Variants in LMBR1 observed in about 807,000 individuals in gnomAD.
LMBR1 encodes limb region 1 protein homolog.
LMBR1 carries 52 observed loss-of-function variants against 73.9 expected under a neutral mutation model. That is an observed-to-expected ratio of 0.70 (90% CI 0.56 to 0.89). The LOEUF (loss-of-function observed/expected upper bound fraction) is 0.89, where lower values mean the gene tolerates loss of function less well. Among genes scored for constraint, LMBR1 ranks in the 40% least tolerant of loss-of-function variants. LMBR1 has a pLI of 0.00. For synonymous variants in LMBR1, 215 were observed against 209.4 expected (o/e 1.03, Z -0.23); for missense variants, 539 against 579.8 (o/e 0.93, Z 0.72).
intron 15 of LMBR1, among the ~76,000 whole-genome samples, chr7:156,704,091 A>G (rs1810389379): frequency 6.6e-6 from 1 of 152,180 alleles, no homozygotes; most frequent in South Asian, 2.1e-4. Flanking sequence ...TTACCCATTC[A>G]GCATACACAA....
Position 156,864,954 on chromosome 7 carries a change from C to T in LMBR1, c.66+27974G>A, listed in dbSNP as rs1264740190. Among the ~76,000 whole-genome samples, 3 of 150,242 alleles carry T rather than the reference C, an allele frequency of 2.0e-5. No homozygotes were observed. The Admixed American group carries it at 2.0e-4, about 10-fold the overall frequency. ...GAGGTTGCAGTGAGCCGAGGTCGCG[C>T]CATTGCACTTCAGCCTGGGTGACAG... On this transcript the variant is annotated intron_variant, in intron 1 of 16. Transcript: ENST00000353442.
chr7:156,751,943 T>A (rs1820978139), intron 9 of LMBR1, among the ~76,000 whole-genome samples: 1 of 152,198 alleles, frequency 6.6e-6, no homozygotes, highest in South Asian at 2.1e-4. Flanking sequence ...TTATAGGTGG[T>A]ATTTAAAGCC....
chr7:156,837,333 C>A lies in LMBR1; in HGVS notation c.67-448G>T, dbSNP rs1837831579. On this transcript the variant is annotated intron_variant, in intron 1 of 16. Transcript: ENST00000353442. ...CTGGGCAACAAGAGTGAGACTCCAT[C>A]TCAAAAAAAAAAAAAAAAGTGTTAA... Among the ~76,000 whole-genome samples, 5 of 104,934 alleles carry A rather than the reference C, an allele frequency of 4.8e-5. No homozygotes were observed. The South Asian group carries it at 1.2e-3, about 26-fold the overall frequency. The allele number at this position is 104,934 out of a possible 152,430, so 68.8% of individuals were successfully genotyped here.
chr7:156,850,871 A>G (rs533756708), intron 1 of LMBR1, among the ~76,000 whole-genome samples: 1 of 151,456 alleles, frequency 6.6e-6, no homozygotes, highest in South Asian at 2.1e-4. Flanking sequence ...ACCCTGGTGG[A>G]AGTGTTTGGA....
At chr7:156,715,781 T>C (rs1813078602) in intron 15 of LMBR1, among the ~76,000 whole-genome samples, 2 of 152,224 alleles carry the variant, frequency 1.3e-5, no homozygotes, top group Non-Finnish European at 2.9e-5. Context: ...TACCTGAATA[T>C]TCCATTATTG....
chr7:156,813,487 G>C (rs1040170917), intron 4 of LMBR1, among the ~76,000 whole-genome samples: 1 of 152,082 alleles, frequency 6.6e-6, no homozygotes, highest in South Asian at 2.1e-4. Context: ...ATTACTAAAA[G>C]AGTAAGCCTC....
rs529101009 is a variant in LMBR1, at chr7:156,833,409, G to C, written c.179+344C>G. The C allele has an allele frequency of 2.5e-3, 577 of 232,774 alleles. 3 individuals carry two copies. Among genetic ancestry groups the C allele is most frequent in the South Asian group, 8.3e-3 (140 of 16,856 alleles). The allele number at this position is 232,774 out of a possible 1,614,324, so 14.4% of individuals were successfully genotyped here. On this transcript the variant is annotated intron_variant, in intron 3 of 16. Transcript: ENST00000353442. ...CAGCAGGCAGGTTCAGCTAACCAGA[G>C]GAGATGTCCGCTGCTCGGTTCAAGA...
At chr7:156,758,705 C>T (rs1463822711) in intron 8 of LMBR1, among the ~76,000 whole-genome samples, 1 of 152,200 alleles carries the variant, frequency 6.6e-6, no homozygotes, top group Non-Finnish European at 1.5e-5. Context: ...AAGCACTAGC[C>T]AGAGGCAGGT....
chr7:156,864,201 C>T (rs1355265598), intron 1 of LMBR1, among the ~76,000 whole-genome samples: 3 of 151,994 alleles, frequency 2.0e-5, no homozygotes, highest in Non-Finnish European at 4.4e-5. Context: ...AAAAGAAAAT[C>T]AAAATCATTT....
intron 9 of LMBR1, among the ~76,000 whole-genome samples, chr7:156,741,322 G>A (rs540019601): frequency 6.6e-4 from 100 of 152,160 alleles, no homozygotes; most frequent in Admixed American, 1.9e-3. Flanking sequence ...AACACTGATC[G>A]TAAATGAACT....
rs1051741965 is a variant in LMBR1 at position 156,680,601 on chromosome 7, A to T, written c.*3477T>A. ...TTTTATGGAAAAAATTAGAGAAATC[A>T]AGTCTAAATAATTCAAGTAATTAAA... On this transcript the variant is annotated 3_prime_UTR_variant, in exon 17 of 17. Transcript: ENST00000353442. The T allele has an allele frequency of 1.3e-5, 2 of 152,902 alleles. No individual in the cohort carries two copies. Among genetic ancestry groups the T allele is most frequent in the Non-Finnish European group, 1.5e-5 (1 of 68,592 alleles). The allele number at this position is 152,902 out of a possible 1,614,324, so 9.5% of individuals were successfully genotyped here.
At chr7:156,676,241 G>A, downstream of LMBR1, 2 of 1,492,848 alleles carry the variant, frequency 1.3e-6, no homozygotes, top group Non-Finnish European at 1.8e-6. Context: ...GAGTATATGT[G>A]TGTGTATATA....
At chr7:156,726,896 C>G (rs1299509974) in intron 12 of LMBR1, among the ~76,000 whole-genome samples, 2 of 151,998 alleles carry the variant, frequency 1.3e-5, no homozygotes, top group Non-Finnish European at 2.9e-5. Context: ...TATGAACAGG[C>G]CTTGCTAAAT....
rs1804996854 is a variant in LMBR1, at chr7:156,681,366, C to T, written c.*2712G>A. ...TTAGTGCAGCAATTTAAGGAGCTAA[C>T]ATTAGTGTGTATGTGTGTACAAATT... On this transcript the variant is annotated 3_prime_UTR_variant, in exon 17 of 17. Coordinates refer to ENST00000353442, the MANE Select transcript of LMBR1 (RefSeq NM_022458.4). 1 of 286,278 alleles carries T rather than the reference C, an allele frequency of 3.5e-6. No homozygotes were observed. Among genetic ancestry groups the T allele is most frequent in the African/African-American group, 2.2e-5 (1 of 44,488 alleles). The allele number at this position is 286,278 out of a possible 1,614,324, so 17.7% of individuals were successfully genotyped here.
intron 4 of LMBR1, among the ~76,000 whole-genome samples, chr7:156,821,802 A>G (rs1383132198): frequency 2.0e-5 from 3 of 152,104 alleles, no homozygotes; most frequent in African/African-American, 4.8e-5. Flanking sequence ...TCATTGCCCA[A>G]TGGGCTCAGG....
chr7:156,777,838 C>T (rs1826429722), intron 5 of LMBR1, among the ~76,000 whole-genome samples: 1 of 152,160 alleles, frequency 6.6e-6, no homozygotes, highest in South Asian at 2.1e-4. Flanking sequence ...GACATCATTA[C>T]CCACTTTGTT....
chr7:156,758,422 T>C (rs977119599), intron 8 of LMBR1, among the ~76,000 whole-genome samples: 4 of 152,210 alleles, frequency 2.6e-5, no homozygotes, highest in African/African-American at 9.7e-5. Context: ...CTGATGTAGT[T>C]TGGATATTTG....
At chr7:156,883,818 G>A (rs767717660) in intron 1 of LMBR1, among the ~76,000 whole-genome samples, 6 of 152,000 alleles carry the variant, frequency 3.9e-5, no homozygotes, top group Non-Finnish European at 7.4e-5. Context: ...TGACCCTCCT[G>A]CCTCTCCTAT....
At chr7:156,846,893 C>T (rs933864033) in intron 1 of LMBR1, among the ~76,000 whole-genome samples, 23 of 152,030 alleles carry the variant, frequency 1.5e-4, no homozygotes, top group African/African-American at 5.3e-4. Context: ...GCTAACTGCC[C>T]CTTTTTGATC....
Sources: gnomAD v4.1 joint callset for allele counts (sites outside exome capture counted in the v4.1 genomes callset) on GRCh38, gnomAD v4.1.1 for gene constraint, MANE v1.5 for transcripts, NCBI Gene and HGNC (gene_info 2026-07-23, HGNC 2026-07-21) for gene names.